The following SHISA9 variants were observed in gnomAD, a reference collection of about 807,000 sequenced individuals.
SHISA9 encodes the protein protein shisa-9.
In SHISA9, 13 loss-of-function variants were observed where a neutral mutation model predicts 38.0. The ratio of observed to expected loss-of-function variants is 0.34; its 90% CI spans 0.22 to 0.54. SHISA9 has a LOEUF of 0.54. Among genes scored for constraint, SHISA9 ranks in the 20% least tolerant of loss-of-function variants. SHISA9 has a pLI of 0.91. For missense variants in SHISA9, 538 were observed against 575.8 expected (o/e 0.93, Z 0.67); for synonymous variants, 275 against 242.0 (o/e 1.14, Z -1.27).
intron 4 of SHISA9, among the ~76,000 whole-genome samples, chr16:13,227,943 T>C (rs1304913693): frequency 2.0e-5 from 3 of 152,232 alleles, no homozygotes; most frequent in Admixed American, 6.5e-5. Flanking sequence ...ACAATGTCTG[T>C]CAAATTTAAT....
At chr16:13,479,468 A>G in the SHISA9 span, among the ~76,000 whole-genome samples, 1 of 152,202 alleles carries the variant, frequency 6.6e-6, no homozygotes, top group Admixed American at 6.5e-5. Flanking sequence ...ATAAAATCCA[A>G]TAAACTGACT....
the SHISA9 span, among the ~76,000 whole-genome samples, chr16:13,482,971 C>G: frequency 6.6e-6 from 1 of 152,088 alleles, no homozygotes; most frequent in Non-Finnish European, 1.5e-5. Context: ...CGGAGAAAAA[C>G]TAACTGGAGC....
At chr16:13,153,060 C>G (rs755266136) in intron 2 of SHISA9, among the ~76,000 whole-genome samples, 5 of 152,088 alleles carry the variant, frequency 3.3e-5, no homozygotes, top group East Asian at 1.9e-4. Flanking sequence ...ATGCCAGTCC[C>G]TAGAGGCTGC....
intron 2 of SHISA9, among the ~76,000 whole-genome samples, chr16:13,167,051 T>TTC (rs796426976): frequency 1.4e-5 from 2 of 147,152 alleles, no homozygotes; most frequent in African/African-American, 2.5e-5. Context: ...ACTCTACTTC[T>TTC]TCTCTCTCTC....
chr16:13,262,200 A>G, the SHISA9 span, among the ~76,000 whole-genome samples: 6 of 152,306 alleles, frequency 3.9e-5, no homozygotes, highest in African/African-American at 1.2e-4. Flanking sequence ...AAAATAAAAC[A>G]TACAAAACCA....
At chr16:13,314,299 C>T in the SHISA9 span, among the ~76,000 whole-genome samples, 1 of 151,996 alleles carries the variant, frequency 6.6e-6, no homozygotes, top group Non-Finnish European at 1.5e-5. Flanking sequence ...CTGAAACCTC[C>T]GCCTCCCGGG....
chr16:13,516,934 T>G, the SHISA9 span, among the ~76,000 whole-genome samples: 1 of 152,224 alleles, frequency 6.6e-6, no homozygotes, highest in African/African-American at 2.4e-5. Context: ...ACTGACCTGT[T>G]CACTGTCCTC....
intron 4 of SHISA9, among the ~76,000 whole-genome samples, chr16:13,223,777 G>A (rs764241215): frequency 5.9e-5 from 9 of 152,216 alleles, no homozygotes; most frequent in Non-Finnish European, 1.0e-4. Context: ...GCCTTACATG[G>A]CAGCAGGCAA....
At chr16:12,923,554 A>G (rs1596531348) in intron 2 of SHISA9, among the ~76,000 whole-genome samples, 2 of 152,076 alleles carry the variant, frequency 1.3e-5, no homozygotes, top group African/African-American at 4.8e-5. Flanking sequence ...AAATTTTGGG[A>G]GACGGTAATG....
At chr16:13,459,763 A>G in the SHISA9 span, among the ~76,000 whole-genome samples, 2 of 152,168 alleles carry the variant, frequency 1.3e-5, no homozygotes, top group African/African-American at 4.8e-5. Flanking sequence ...AACACAATTA[A>G]CTTAGAAGCA....
chr16:13,036,748 GAAA>G (rs34283726), intron 2 of SHISA9, among the ~76,000 whole-genome samples: 1 of 145,292 alleles, frequency 6.9e-6, no homozygotes. Flanking sequence ...TTCAGAGGAG[GAAA>G]AAAAAAAAGC....
the SHISA9 span, among the ~76,000 whole-genome samples, chr16:13,560,806 A>G: frequency 6.6e-6 from 1 of 150,466 alleles, no homozygotes; most frequent in African/African-American, 2.4e-5. Flanking sequence ...TGTCACGGCC[A>G]TGTCAGTCCC....
chr16:13,498,656 C>T, the SHISA9 span, among the ~76,000 whole-genome samples: 1 of 152,064 alleles, frequency 6.6e-6, no homozygotes, highest in Non-Finnish European at 1.5e-5. Context: ...ACTTGGGAGG[C>T]TGAGGCAGTA....
At chr16:12,989,661 A>G (rs550021931) in intron 2 of SHISA9, among the ~76,000 whole-genome samples, 1 of 152,128 alleles carries the variant, frequency 6.6e-6, no homozygotes, top group Non-Finnish European at 1.5e-5. Flanking sequence ...TTTTTGTCAC[A>G]TACCATTTTT....
downstream of SHISA9, among the ~76,000 whole-genome samples, chr16:13,243,992 C>T (rs1161953783): frequency 2.2e-4 from 33 of 151,974 alleles, no homozygotes. Flanking sequence ...AGGATGGCCT[C>T]GATTTCCTGA....
At chr16:13,293,504 G>T in the SHISA9 span, among the ~76,000 whole-genome samples, 1 of 152,176 alleles carries the variant, frequency 6.6e-6, no homozygotes, top group African/African-American at 2.4e-5. Flanking sequence ...AAGTTGCTCA[G>T]CCTAACTTGT....
At chr16:12,940,065 T>G (rs1815832554) in intron 2 of SHISA9, among the ~76,000 whole-genome samples, 1 of 152,184 alleles carries the variant, frequency 6.6e-6, no homozygotes, top group African/African-American at 2.4e-5. Flanking sequence ...AGGGTCACAT[T>G]TTAATGGTGT....
chr16:13,532,557 ATGTGTG>A, the SHISA9 span, among the ~76,000 whole-genome samples: 29 of 150,144 alleles, frequency 1.9e-4, no homozygotes, highest in Admixed American at 4.0e-4. Flanking sequence ...GCGTGTGTGT[ATGTGTG>A]TGTGTGTGTG....
chr16:13,081,595 T>C (rs978875424), intron 2 of SHISA9, among the ~76,000 whole-genome samples: 1 of 152,144 alleles, frequency 6.6e-6, no homozygotes, highest in Non-Finnish European at 1.5e-5. Flanking sequence ...CCTCCACCCG[T>C]GATTCCACAT....
Sources: allele counts gnomAD v4.1 joint callset (sites outside exome capture counted in the v4.1 genomes callset), GRCh38; gene constraint gnomAD v4.1.1; transcripts MANE v1.5; gene names NCBI Gene and HGNC (gene_info 2026-07-23, HGNC 2026-07-21).